MAL2: variants seen among roughly 807,000 people sequenced by gnomAD.
MAL2 encodes mal, T cell differentiation protein 2.
A neutral mutation model predicts 18.1 loss-of-function variants in MAL2; 17 were observed. That is an observed-to-expected ratio of 0.94 (90% confidence interval 0.64 to 1.41). The LOEUF (loss-of-function observed/expected upper bound fraction) is 1.41. Among genes scored for constraint, MAL2 ranks in the 40% most tolerant of loss-of-function variants. The pLI, the probability that MAL2 is intolerant of heterozygous loss-of-function variation, is 0.00. For synonymous variants in MAL2, 102 were observed against 102.3 expected, an observed-to-expected ratio of 1.00 and a Z score of 0.02; for missense variants, 222 against 231.9, an observed-to-expected ratio of 0.96 and a Z score of 0.28.
At chr8:119,240,038 C>T (rs564867861) in intron 2 of MAL2, 127 bp from the exon 3 acceptor site, 5 of 1,018,110 alleles carry the variant, frequency 4.9e-6, no homozygotes, top group East Asian at 5.2e-5. Flanking sequence ...CTAAGCTTAA[C>T]AGTGAATATA....
chr8:119,234,201 C>T (rs146914929), intron 2 of MAL2, among the ~76,000 whole-genome samples: 67 of 152,232 alleles, frequency 4.4e-4, no homozygotes, highest in African/African-American at 1.3e-3. Context: ...GGGTGACGGA[C>T]GCACCGGGAA....
chr8:119,234,238 G>A (rs1817816432), intron 2 of MAL2, among the ~76,000 whole-genome samples: 1 of 152,160 alleles, frequency 6.6e-6, no homozygotes. Context: ...CCCGAATATT[G>A]CACTTTTCAG....
chr8:119,216,506 G>A (rs1293038909), intron 1 of MAL2, among the ~76,000 whole-genome samples: 2 of 152,072 alleles, frequency 1.3e-5, no homozygotes, highest in Non-Finnish European at 2.9e-5. Flanking sequence ...CCTTATAACG[G>A]TGCTTATAAC....
chr8:119,236,990 C>T (rs1320483837), intron 2 of MAL2, among the ~76,000 whole-genome samples: 3 of 151,564 alleles, frequency 2.0e-5, no homozygotes, highest in South Asian at 2.1e-4. Flanking sequence ...TTCAAAAAAT[C>T]AGTGAATCCA....
At chr8:119,243,234 G>C (rs561803128) in intron 3 of MAL2, among the ~76,000 whole-genome samples, 183 bp from the exon 4 acceptor site, 3 of 150,826 alleles carry the variant, frequency 2.0e-5, no homozygotes, top group Non-Finnish European at 4.4e-5. Context: ...GAGGGTAATT[G>C]TATGAGGGAA....
In MAL2 at chr8:119,226,096, C is replaced by G. The variant is rs560528151; in HGVS notation, c.303+4339C>G. Among the ~76,000 whole-genome samples, 6 of 152,262 alleles carry G rather than the reference C, an allele frequency of 3.9e-5. No individual in the cohort carries two copies. The South Asian group carries it at 1.0e-3, about 26-fold the overall frequency. Reference sequence around the variant, plus strand: ...TCTCCCATTCTGTAGGTTGCCTGTTCACTCTGATGGTAGTTTCTTTTGCTG... The same window carrying G: ...TCTCCCATTCTGTAGGTTGCCTGTTGACTCTGATGGTAGTTTCTTTTGCTG... On this transcript the variant is annotated intron_variant, in intron 2 of 3. Transcript: ENST00000614891.
At chr8:119,217,778 T>G (rs1817382348) in intron 1 of MAL2, among the ~76,000 whole-genome samples, 1 of 152,216 alleles carries the variant, frequency 6.6e-6, no homozygotes, top group Non-Finnish European at 1.5e-5. Context: ...TGCTTTTTAC[T>G]TCTAAAAATA....
chr8:119,208,532 G>T lies in MAL2; in HGVS notation c.60G>T (p.Pro20=). The T allele has an allele frequency of 1.4e-6, 2 of 1,388,902 alleles. No homozygotes were observed. The highest frequency in any genetic ancestry group is 1.9e-6 in the Non-Finnish European group (2 of 1,066,904). The allele number at this position is 1,388,902 out of a possible 1,614,324, so 86.0% of individuals were successfully genotyped here. A position where few individuals can be genotyped will look rare whatever the true frequency, so the allele number is the denominator to read the frequency against. The change falls in exon 1 of 4, where the codon CCG becomes CCT. Residue 20 remains proline (P), a synonymous_variant. Transcript: ENST00000614891. This position sits in a 1 kb window ranked among gnomAD's most constrained non-coding sequence, Gnocchi z 4.3. ...PPPNPAVSFP[P]PRVTLPAGPD... is the part of the protein sequence containing the mutation. ...CGAACCCCGCCGTGTCCTTCCCGCC[G>T]CCCCGGGTCACCCTGCCCGCCGGCC... is the stretch of plus-strand genomic sequence containing the variant.
chr8:119,226,389 A>G (rs532225604), intron 2 of MAL2, among the ~76,000 whole-genome samples: 57 of 151,618 alleles, frequency 3.8e-4, no homozygotes, highest in African/African-American at 1.2e-3. Flanking sequence ...CATTTATTCA[A>G]TAGGGAATCC....
chr8:119,218,464 T>A (rs1817396708), intron 1 of MAL2, among the ~76,000 whole-genome samples: 1 of 152,096 alleles, frequency 6.6e-6, no homozygotes, highest in African/African-American at 2.4e-5. Flanking sequence ...CCTGCCTACC[T>A]TTCCAGATTC....
intron 1 of MAL2, among the ~76,000 whole-genome samples, chr8:119,211,065 C>T (rs1190679451): frequency 2.0e-5 from 3 of 152,200 alleles, no homozygotes; most frequent in Non-Finnish European, 4.4e-5. Context: ...GTTACCCCTC[C>T]ATTTAGAATA....
chr8:119,234,074 G>A (rs991568184), intron 2 of MAL2, among the ~76,000 whole-genome samples: 1 of 152,182 alleles, frequency 6.6e-6, no homozygotes, highest in Non-Finnish European at 1.5e-5. Flanking sequence ...GGGAGTGCCA[G>A]ACAGTGGGCA....
At chr8:119,216,220 C>A (rs1365166488) in intron 1 of MAL2, among the ~76,000 whole-genome samples, 1 of 151,918 alleles carries the variant, frequency 6.6e-6, no homozygotes, top group African/African-American at 2.4e-5. Context: ...ACTTGTCCAC[C>A]CAATTTTATA....
intron 2 of MAL2, among the ~76,000 whole-genome samples, chr8:119,223,104 G>A (rs55714432): frequency 0.099 from 15,112 of 152,190 alleles, 2,261 homozygotes; most frequent in African/African-American, 0.32. Flanking sequence ...ATAACAGCAT[G>A]TTATTCCACA....
At chr8:119,242,957 T>C (rs1476663736) in intron 3 of MAL2, among the ~76,000 whole-genome samples, 1 of 152,218 alleles carries the variant, frequency 6.6e-6, no homozygotes, top group Non-Finnish European at 1.5e-5. Flanking sequence ...GATAATTCAT[T>C]TCCACTTGTC....
intron 1 of MAL2, among the ~76,000 whole-genome samples, chr8:119,216,097 T>A (rs77562712): frequency 0.019 from 2,898 of 152,210 alleles, 79 homozygotes; most frequent in African/African-American, 0.065. Context: ...TCCATTAAAA[T>A]AGAAGGGGTT....
chr8:119,209,154 T>C (rs1817232646), intron 1 of MAL2: 1 of 154,336 alleles, frequency 6.5e-6, no homozygotes, highest in South Asian at 2.0e-4. Context: ...ATTAGTGGCC[T>C]TTGGATTGGA....
rs1817419272 is a variant in MAL2, at chr8:119,219,323, C to G, written c.133-2264C>G. 2.0e-5 allele frequency among the ~76,000 whole-genome samples: 3 copies of G among 152,084 alleles called. No individual in the cohort carries two copies. The South Asian group carries it at 6.2e-4, about 32-fold the overall frequency. On this transcript the variant is annotated intron_variant, in intron 1 of 3. Transcript: ENST00000614891. ...AGTAGTAACAAATTATATGATTGGGCCTTTTCTTGAAGCTTGAATTAAAAC... is the reference window on the plus strand; with the variant it reads ...AGTAGTAACAAATTATATGATTGGGGCTTTTCTTGAAGCTTGAATTAAAAC...
At chr8:119,230,442 G>A (rs1025030043) in intron 2 of MAL2, among the ~76,000 whole-genome samples, 1 of 152,114 alleles carries the variant, frequency 6.6e-6, no homozygotes, top group Non-Finnish European at 1.5e-5. Context: ...GCAGGATTGG[G>A]GGGGCGGGAA....
Sources: allele counts gnomAD v4.1 joint callset (sites outside exome capture counted in the v4.1 genomes callset), GRCh38; gene constraint gnomAD v4.1.1; non-coding constraint Gnocchi (gnomAD v3.1); transcripts MANE v1.5; gene names NCBI Gene and HGNC (gene_info 2026-07-23, HGNC 2026-07-21).